Variants in SMARCA2 observed in about 807,000 individuals in gnomAD.
The protein encoded by SMARCA2 is SWI/SNF related BAF chromatin remodeling complex subunit ATPase 2.
A neutral mutation model predicts 199.8 loss-of-function variants in SMARCA2; 61 were observed. The observed-to-expected ratio is 0.31, with a 90% CI of 0.25 to 0.38. The LOEUF (loss-of-function observed/expected upper bound fraction) is 0.38. Ranked by LOEUF, SMARCA2 falls within the 10% of genes least tolerant of loss-of-function variation. The probability of loss-of-function intolerance (pLI) is 1.00; values close to 1 mark genes in which losing one functional copy is unlikely to be tolerated. For synonymous variants in SMARCA2, 935 were observed against 732.0 expected, an observed-to-expected ratio of 1.28 and a Z score of -4.48; for missense variants, 1,344 against 2,012.2, an observed-to-expected ratio of 0.67 and a Z score of 6.35.
chr9:2,167,461 G>T lies in SMARCA2; in HGVS notation c.4200-2958G>T, dbSNP rs115378842. 5.4e-3 allele frequency among the ~76,000 whole-genome samples: 829 copies of T among 152,354 alleles called. 9 individuals carry two copies. Among genetic ancestry groups the T allele is most frequent in the African/African-American group, 0.019 (790 of 41,588 alleles). On this transcript the variant is annotated intron_variant, in intron 28 of 33. Coordinates refer to ENST00000349721, the MANE Select transcript of SMARCA2 (RefSeq NM_003070.5). Reference sequence around the variant, plus strand: ...TAAAAGGGTTTGGACATCAGGTCTAGCCTTGAAGATGGATGCAGCAAAGTG... The same window carrying T: ...TAAAAGGGTTTGGACATCAGGTCTATCCTTGAAGATGGATGCAGCAAAGTG...
At chr9:2,046,576 G>T (rs926126237) in intron 4 of SMARCA2, among the ~76,000 whole-genome samples, 2 of 152,164 alleles carry the variant, frequency 1.3e-5, no homozygotes, top group African/African-American at 4.8e-5. Flanking sequence ...GAAAAAGTGT[G>T]TGCTCCTTGT....
At chr9:2,027,855 C>T (rs1486271759) in intron 1 of SMARCA2, 1 of 152,192 alleles carries the variant, frequency 6.6e-6, no homozygotes, top group Non-Finnish European at 1.5e-5. Context: ...CAGATGTGTG[C>T]CTCCAAGGTA....
intron 24 of SMARCA2, among the ~76,000 whole-genome samples, chr9:2,111,069 G>C (rs1177493174): frequency 6.8e-6 from 1 of 147,744 alleles, no homozygotes; most frequent in African/African-American, 2.6e-5. Context: ...TAAATTGAGC[G>C]GGTCTCTCAT....
chr9:2,117,208 G>A (rs1019272546), intron 25 of SMARCA2, among the ~76,000 whole-genome samples: 1 of 151,816 alleles, frequency 6.6e-6, no homozygotes, highest in African/African-American at 2.4e-5. Context: ...TTTCTAAAAT[G>A]AATCTAAATG....
intron 10 of SMARCA2, 44 bp downstream of exon 10, chr9:2,070,515 T>G (rs1471018664): frequency 1.4e-6 from 2 of 1,439,372 alleles, no homozygotes; most frequent in Admixed American, 3.4e-5. Flanking sequence ...CTGAATGGAG[T>G]CTGTGCCATA....
At chr9:2,120,062 C>T (rs1436923847) in intron 26 of SMARCA2, among the ~76,000 whole-genome samples, 1 of 152,190 alleles carries the variant, frequency 6.6e-6, no homozygotes, top group African/African-American at 2.4e-5. Context: ...CACAGGTGTG[C>T]CTTTTCAGAT....
intron 27 of SMARCA2, among the ~76,000 whole-genome samples, chr9:2,148,619 GGA>G (rs1388656634): frequency 6.6e-6 from 1 of 151,302 alleles, no homozygotes; most frequent in Non-Finnish European, 1.5e-5. Context: ...TTAGGTATAA[GGA>G]GATGTTTTCT....
chr9:2,088,220 T>G (rs1314307608), intron 18 of SMARCA2, among the ~76,000 whole-genome samples: 2 of 152,204 alleles, frequency 1.3e-5, no homozygotes, highest in Non-Finnish European at 2.9e-5. Flanking sequence ...CCCATACAAT[T>G]TGAGGCTGTT....
chr9:2,162,070 C>G (rs369970871), intron 28 of SMARCA2, among the ~76,000 whole-genome samples, 167 bp downstream of exon 28: 1 of 152,088 alleles, frequency 6.6e-6, no homozygotes, highest in African/African-American at 2.4e-5. Flanking sequence ...GCCACTGTTG[C>G]TATTTTGTAT....
chr9:2,153,167 G>C (rs1825167401), intron 27 of SMARCA2, among the ~76,000 whole-genome samples: 1 of 152,214 alleles, frequency 6.6e-6, no homozygotes, highest in African/African-American at 2.4e-5. Flanking sequence ...GAGTATGGCA[G>C]TTTTCCAAGG....
intron 32 of SMARCA2, among the ~76,000 whole-genome samples, chr9:2,188,873 C>G (rs1054248946): frequency 2.6e-5 from 4 of 152,226 alleles, no homozygotes; most frequent in Admixed American, 6.5e-5. Context: ...TTCCCACTTT[C>G]TTGCTGGCTG....
intron 33 of SMARCA2, chr9:2,192,377 G>C (rs981375097): frequency 8.3e-5 from 26 of 312,666 alleles, no homozygotes; most frequent in Admixed American, 6.1e-4. Context: ...CAAATGCAGG[G>C]TATTTTTTTT....
At chr9:2,172,841 G>A (rs1234100832) in intron 29 of SMARCA2, among the ~76,000 whole-genome samples, 1 of 152,176 alleles carries the variant, frequency 6.6e-6, no homozygotes, top group African/African-American at 2.4e-5. Context: ...GCAGTGGAAA[G>A]TAGATAGCCA....
At chr9:2,031,289 T>C (rs1236384253) in intron 2 of SMARCA2, among the ~76,000 whole-genome samples, 1 of 152,226 alleles carries the variant, frequency 6.6e-6, no homozygotes, top group Non-Finnish European at 1.5e-5. Flanking sequence ...TTCCATGTCA[T>C]ATTTTTCAGG....
intron 22 of SMARCA2, 112 bp downstream of exon 22, chr9:2,101,728 G>C: frequency 3.6e-6 from 2 of 550,920 alleles, no homozygotes; most frequent in Non-Finnish European, 6.5e-6. Flanking sequence ...GCCCTCTAAG[G>C]GCTCTTCAGT....
At chr9:2,054,863 T>G in intron 6 of SMARCA2, 140 bp downstream of exon 6, 2 of 843,914 alleles carry the variant, frequency 2.4e-6, no homozygotes, top group Admixed American at 5.8e-5. Flanking sequence ...GTGAATCTTT[T>G]AGACCAACAG....
In SMARCA2 at chr9:2,086,717, A is replaced by G. The variant is rs1821817563; in HGVS notation, c.2527-112A>G. 1 of 1,147,496 alleles carries G rather than the reference A, an allele frequency of 8.7e-7. No homozygotes were observed. Among genetic ancestry groups the G allele is most frequent in the Non-Finnish European group, 1.3e-6 (1 of 789,084 alleles). The allele number at this position is 1,147,496 out of a possible 1,614,324, so 71.1% of individuals were successfully genotyped here. ...CCCTTGTCTCAAAGGTAATCACAGC[A>G]TATCATATACCAAGGATGGGTTCTT... On this transcript the variant is annotated intron_variant, in intron 17 of 33. Transcript: ENST00000349721. The surrounding 1 kb of genome is among the most constrained non-coding windows in gnomAD (Gnocchi z 4.3).
intron 19 of SMARCA2, among the ~76,000 whole-genome samples, chr9:2,095,719 C>G (rs1480681282): frequency 6.6e-6 from 1 of 152,232 alleles, no homozygotes; most frequent in African/African-American, 2.4e-5. Flanking sequence ...TCTGTGACCT[C>G]TTCTCCCTGG....
At chr9:2,107,382 A>G (rs1161113597) in intron 23 of SMARCA2, among the ~76,000 whole-genome samples, 1 of 152,194 alleles carries the variant, frequency 6.6e-6, no homozygotes, top group Non-Finnish European at 1.5e-5. Flanking sequence ...GCTGGAGTGC[A>G]TCTCGGCTCC....
Sources: gnomAD v4.1 joint callset for allele counts (sites outside exome capture counted in the v4.1 genomes callset) on GRCh38, gnomAD v4.1.1 for gene constraint, Gnocchi (gnomAD v3.1) non-coding constraint, MANE v1.5 for transcripts, NCBI Gene and HGNC (gene_info 2026-07-23, HGNC 2026-07-21) for gene names.